Variants in ODF2L observed in about 807,000 individuals in gnomAD.
ODF2L encodes the protein outer dense fiber of sperm tails 2 like.
Under a neutral mutation model 86.3 loss-of-function variants are expected in ODF2L, and 76 were observed. The ratio of observed to expected loss-of-function variants is 0.88; its 90% CI spans 0.73 to 1.07. ODF2L has a LOEUF of 1.07. Ranked by LOEUF, ODF2L falls within the 50% of genes least tolerant of loss-of-function variation. ODF2L has a pLI of 0.00. For missense variants in ODF2L, 748 were observed against 717.4 expected (o/e 1.04, Z -0.49); for synonymous variants, 241 against 231.3 (o/e 1.04, Z -0.38).
rs1660628942 is a variant in ODF2L, at chr1:86,382,136, A to C, written c.624+106T>G. 10 of 1,351,958 alleles carry C rather than the reference A, an allele frequency of 7.4e-6. No homozygotes were observed. The East Asian group carries it at 2.8e-4, about 37-fold the overall frequency. 83.7% of individuals were successfully genotyped at this position (1,351,958 alleles called of 1,614,324 possible). The stretch of plus-strand genomic sequence containing the variant: ...TAAATATGTATTTCCCATGTCAACA[A>C]CTGTGTATTTTAAAACCACCAAATT... On this transcript the variant is annotated intron_variant, in intron 7 of 17. Transcript: ENST00000317336.
In ODF2L at chr1:86,377,014, T is replaced by G. The variant is rs1660220092; in HGVS notation, c.625-596A>C. ...AAAAGCCCAAGTCTAAAGTTTCATCTGAGACAAGGCAAGTCCCTTCTGCCT... is the reference window on the plus strand; with the variant it reads ...AAAAGCCCAAGTCTAAAGTTTCATCGGAGACAAGGCAAGTCCCTTCTGCCT... On this transcript the variant is annotated intron_variant, in intron 7 of 17. Coordinates refer to ENST00000317336, the Ensembl canonical transcript of ODF2L. Among the ~76,000 whole-genome samples the G allele has an allele frequency of 2.0e-5, 3 of 152,156 alleles. No homozygotes were observed. In the South Asian group the frequency reaches 6.2e-4, roughly 32 times the overall value.
At chr1:86,363,399 GAATA>G (rs564939927) in intron 11 of ODF2L, among the ~76,000 whole-genome samples, 47 of 152,190 alleles carry the variant, frequency 3.1e-4, no homozygotes, top group Middle Eastern at 3.4e-3. Context: ...AAAGCCACAA[GAATA>G]AATGAGATTA....
At chr1:86,361,819 G>A (rs947808799) in intron 11 of ODF2L, among the ~76,000 whole-genome samples, 1 of 152,146 alleles carries the variant, frequency 6.6e-6, no homozygotes, top group Non-Finnish European at 1.5e-5. Context: ...GAGCCAATAT[G>A]TTCACTAGTT....
At chr1:86,356,949 G>A (rs1658616332) in intron 13 of ODF2L, among the ~76,000 whole-genome samples, 1 of 152,058 alleles carries the variant, frequency 6.6e-6, no homozygotes, top group South Asian at 2.1e-4. Flanking sequence ...ATTGTCTACT[G>A]CCCAGCTATA....
In ODF2L at chr1:86,394,351, C is replaced by G. The variant is rs577847094; in HGVS notation, c.-60+1682G>C. On this transcript the variant is annotated intron_variant, in intron 1 of 17. Coordinates refer to ENST00000317336, the Ensembl canonical transcript of ODF2L. ...GAATCACTTGAACCCGGGAGGCGGACGTTGCAGTGAGCCGAGATCGCGCCA... is the reference window on the plus strand; with the variant it reads ...GAATCACTTGAACCCGGGAGGCGGAGGTTGCAGTGAGCCGAGATCGCGCCA... 4.6e-4 allele frequency among the ~76,000 whole-genome samples: 68 copies of G among 149,430 alleles called. 1 individual carries two copies. In the South Asian group the frequency reaches 1.0e-2, roughly 22 times the overall value.
chr1:86,362,986 G>A (rs1236741772), intron 11 of ODF2L, among the ~76,000 whole-genome samples: 2 of 152,046 alleles, frequency 1.3e-5, no homozygotes, highest in African/African-American at 2.4e-5. Context: ...CAACTCTACT[G>A]CTAATACTGA....
At chr1:86,349,039 T>A (rs1657952771), downstream of ODF2L, 8 of 586,328 alleles carry the variant, frequency 1.4e-5, no homozygotes, top group Non-Finnish European at 2.0e-5. Flanking sequence ...AGCTCACTCT[T>A]TAAAATTAAT....
chr1:86,385,606 C>T lies in ODF2L; in HGVS notation c.114-16G>A. On this transcript the variant is annotated splice_polypyrimidine_tract_variant and intron_variant, in intron 2 of 17. Coordinates refer to ENST00000317336, the Ensembl canonical transcript of ODF2L. ...CTGCTTCAGGCTAATTACAAATGCACATACAAAATTTAAGTTAAATCCATT... is the reference window on the plus strand; with the variant it reads ...CTGCTTCAGGCTAATTACAAATGCATATACAAAATTTAAGTTAAATCCATT... The T allele has an allele frequency of 1.9e-6, 3 of 1,603,500 alleles. No homozygotes were observed. Among genetic ancestry groups the T allele is most frequent in the Admixed American group, 1.7e-5 (1 of 59,698 alleles).
chr1:86,384,782 T>C (rs1302998882), exon 4 of ODF2L: 5 of 1,522,302 alleles, frequency 3.3e-6, no homozygotes, highest in Non-Finnish European at 4.4e-6. Context: ...AATCTTCAAA[T>C]TCAATGCAGA....
In ODF2L at chr1:86,379,432, T is replaced by C. The variant is rs566046259; in HGVS notation, c.624+2810A>G. Among the ~76,000 whole-genome samples the C allele has an allele frequency of 1.1e-4, 16 of 152,332 alleles. No homozygotes were observed. The East Asian group carries it at 3.1e-3, about 29-fold the overall frequency. ...CTTCCTTAAAACTTCTGTGATTAAC[T>C]CAGATAGTTTTTTTAGTTCACATCT... On this transcript the variant is annotated intron_variant, in intron 7 of 17. Coordinates refer to ENST00000317336, the Ensembl canonical transcript of ODF2L.
intron 1 of ODF2L, among the ~76,000 whole-genome samples, chr1:86,392,576 T>C (rs1340806327): frequency 6.6e-6 from 1 of 152,084 alleles, no homozygotes; most frequent in Admixed American, 6.5e-5. Context: ...AAACCAAACA[T>C]CATATGTTCT....
intron 11 of ODF2L, among the ~76,000 whole-genome samples, chr1:86,364,532 A>G (rs1476485960): frequency 6.6e-6 from 1 of 152,244 alleles, no homozygotes; most frequent in Non-Finnish European, 1.5e-5. Flanking sequence ...GCTACAGCTC[A>G]GAATAACTAG....
chr1:86,369,735 C>T (rs189940337), intron 10 of ODF2L, among the ~76,000 whole-genome samples: 3 of 152,096 alleles, frequency 2.0e-5, no homozygotes, highest in Non-Finnish European at 2.9e-5. Flanking sequence ...CAGATCAGTA[C>T]GTAGCAAACA....
At chr1:86,361,239 G>A (rs1659014459) in intron 11 of ODF2L, among the ~76,000 whole-genome samples, 1 of 152,200 alleles carries the variant, frequency 6.6e-6, no homozygotes, top group Non-Finnish European at 1.5e-5. Context: ...ACAGCAATAA[G>A]AGTAGCAAGA....
exon 17 of ODF2L, chr1:86,352,967 C>T: frequency 1.3e-6 from 2 of 1,522,586 alleles, no homozygotes; most frequent in Non-Finnish European, 1.8e-6. Flanking sequence ...ATGACATTTT[C>T]TCTATTTCTT....
At chr1:86,352,510 T>C (rs1414809647) in intron 17 of ODF2L, among the ~76,000 whole-genome samples, 1 of 152,180 alleles carries the variant, frequency 6.6e-6, no homozygotes, top group Non-Finnish European at 1.5e-5. Flanking sequence ...AACTCACTTG[T>C]AATAATAGTT....
At chr1:86,371,181 A>G (rs535534808) in intron 9 of ODF2L, 28 bp from the exon 10 acceptor site, 3 of 1,244,378 alleles carry the variant, frequency 2.4e-6, no homozygotes, top group Middle Eastern at 2.4e-4. Flanking sequence ...CACATTTTAT[A>G]AAAGTCATAA....
At chr1:86,365,441 AC>A (rs1659337511) in intron 11 of ODF2L, among the ~76,000 whole-genome samples, 1 of 152,152 alleles carries the variant, frequency 6.6e-6, no homozygotes, top group Non-Finnish European at 1.5e-5. Flanking sequence ...TCAGAGGGAG[AC>A]AAATTATACA....
chr1:86,353,799 T>A (rs1412248838), intron 16 of ODF2L, among the ~76,000 whole-genome samples: 1 of 152,174 alleles, frequency 6.6e-6, no homozygotes, highest in Non-Finnish European at 1.5e-5. Flanking sequence ...AGGACAAACA[T>A]TGACGCCCTT....
Sources: gnomAD v4.1 joint callset for allele counts (sites outside exome capture counted in the v4.1 genomes callset) on GRCh38, gnomAD v4.1.1 for gene constraint, MANE v1.5 for transcripts, NCBI Gene and HGNC (gene_info 2026-07-23, HGNC 2026-07-21) for gene names.